The following WDR27 variants were observed in gnomAD, a reference collection of about 807,000 sequenced individuals.
WDR27 encodes the protein WD repeat domain 27, also known as WD repeat-containing protein 27.
In WDR27, 100 loss-of-function variants were observed where a neutral mutation model predicts 114.4. The observed-to-expected ratio is 0.87, with a 90% CI of 0.74 to 1.03. The LOEUF (loss-of-function observed/expected upper bound fraction) is 1.03. Among genes scored for constraint, WDR27 ranks in the 50% least tolerant of loss-of-function variants. The pLI is 0.00. For missense variants in WDR27, 1,129 were observed against 1,092.9 expected (o/e 1.03, Z -0.47); for synonymous variants, 449 against 423.1 (o/e 1.06, Z -0.75).
chr6:169,615,888 A>G (rs1811696432), intron 21 of WDR27, among the ~76,000 whole-genome samples: 1 of 152,176 alleles, frequency 6.6e-6, no homozygotes, highest in Non-Finnish European at 1.5e-5. Flanking sequence ...TGCATCTAAC[A>G]AAGGTCTAAT....
At chr6:169,665,251 C>T (rs1448541172) in intron 7 of WDR27, 10 of 1,291,086 alleles carry the variant, frequency 7.7e-6, no homozygotes, top group Admixed American at 7.6e-5. Flanking sequence ...TCCAGAACCA[C>T]GCATGGAGCT....
chr6:169,553,226 C>T (rs1798438567), intron 25 of WDR27, among the ~76,000 whole-genome samples: 1 of 152,070 alleles, frequency 6.6e-6, no homozygotes, highest in South Asian at 2.1e-4. Flanking sequence ...CCTGGCTGTC[C>T]CGATGTGGCC....
intron 25 of WDR27, among the ~76,000 whole-genome samples, chr6:169,520,444 G>T (rs1476041453): frequency 6.6e-6 from 1 of 152,100 alleles, no homozygotes; most frequent in African/African-American, 2.4e-5. Context: ...AAACAAACCA[G>T]ATAGAGAATA....
chr6:169,431,038 A>G, the WDR27 span, among the ~76,000 whole-genome samples: 3 of 152,290 alleles, frequency 2.0e-5, no homozygotes, highest in Non-Finnish European at 4.4e-5. Context: ...CTGTCACCTA[A>G]GATCAGTTTT....
intron 25 of WDR27, among the ~76,000 whole-genome samples, chr6:169,487,167 C>T (rs531554070): frequency 3.9e-5 from 6 of 152,252 alleles, no homozygotes; most frequent in South Asian, 2.1e-4. Flanking sequence ...GCATCCTCTT[C>T]GGAGGGTTCA....
chr6:169,544,758 C>T (rs999561303), intron 25 of WDR27, among the ~76,000 whole-genome samples: 1 of 152,112 alleles, frequency 6.6e-6, no homozygotes, highest in African/African-American at 2.4e-5. Context: ...TTTCTATATA[C>T]TAAAAATGAT....
chr6:169,491,364 A>G (rs767501743), intron 25 of WDR27, among the ~76,000 whole-genome samples: 3 of 152,154 alleles, frequency 2.0e-5, no homozygotes, highest in African/African-American at 4.8e-5. Context: ...TTTGTTAACT[A>G]TATCTGAAAT....
chr6:169,599,708 C>T (rs1480936997), intron 23 of WDR27, among the ~76,000 whole-genome samples: 2 of 152,106 alleles, frequency 1.3e-5, no homozygotes, highest in Non-Finnish European at 1.5e-5. Flanking sequence ...TTTCAAAAAA[C>T]CGGCTCCTGG....
At chr6:169,538,335 T>C (rs545991811) in intron 25 of WDR27, among the ~76,000 whole-genome samples, 3 of 152,224 alleles carry the variant, frequency 2.0e-5, no homozygotes, top group Admixed American at 6.5e-5. Context: ...GCCTGTACTC[T>C]TATGTCATTT....
At chr6:169,619,596 C>A (rs1223300110) in intron 21 of WDR27, among the ~76,000 whole-genome samples, 1 of 152,148 alleles carries the variant, frequency 6.6e-6, no homozygotes, top group Non-Finnish European at 1.5e-5. Flanking sequence ...CAGGAAAACT[C>A]AAAGTGGGGG....
intron 23 of WDR27, among the ~76,000 whole-genome samples, chr6:169,586,450 T>C (rs1006586114): frequency 6.6e-6 from 1 of 152,014 alleles, no homozygotes; most frequent in Non-Finnish European, 1.5e-5. Flanking sequence ...AATGACCCTC[T>C]GATCTAGAGG....
intron 17 of WDR27, among the ~76,000 whole-genome samples, chr6:169,640,703 G>A (rs1057392904): frequency 1.3e-5 from 2 of 152,236 alleles, no homozygotes; most frequent in Non-Finnish European, 2.9e-5. Flanking sequence ...CCATAAGGGC[G>A]TCCTCCCAGT....
At chr6:169,560,999 T>A (rs1181572384) in intron 25 of WDR27, among the ~76,000 whole-genome samples, 1 of 152,144 alleles carries the variant, frequency 6.6e-6, no homozygotes, top group East Asian at 1.9e-4. Context: ...GGTAACTGTT[T>A]AAACAAAATT....
intron 23 of WDR27, among the ~76,000 whole-genome samples, chr6:169,595,906 G>A (rs993650747): frequency 1.3e-5 from 2 of 150,254 alleles, no homozygotes; most frequent in East Asian, 3.9e-4. Context: ...TCTTGACTCA[G>A]ATTCTCTTTT....
chr6:169,523,902 T>C (rs1794675001), intron 25 of WDR27, among the ~76,000 whole-genome samples: 1 of 152,172 alleles, frequency 6.6e-6, no homozygotes, highest in African/African-American at 2.4e-5. Context: ...TCTCTACTTT[T>C]ACCATGTTTT....
At chr6:169,432,996 A>T in the WDR27 span, among the ~76,000 whole-genome samples, 1 of 152,210 alleles carries the variant, frequency 6.6e-6, no homozygotes, top group Non-Finnish European at 1.5e-5. Context: ...GGATAATAAA[A>T]TCCAGGCTGA....
At chr6:169,666,739 C>A (rs1288048903) in intron 6 of WDR27, 1 of 992,652 alleles carries the variant, frequency 1.0e-6, no homozygotes, top group Non-Finnish European at 1.2e-6. Flanking sequence ...GACCATGAGG[C>A]CAGGTGTGGC....
At chr6:169,468,276 C>G (rs1022064863) in intron 25 of WDR27, among the ~76,000 whole-genome samples, 4 of 152,206 alleles carry the variant, frequency 2.6e-5, no homozygotes, top group African/African-American at 9.6e-5. Context: ...TTCTTCTGAG[C>G]CCTCCAAACT....
chr6:169,517,622 C>T (rs1793839069), intron 25 of WDR27, among the ~76,000 whole-genome samples: 1 of 152,230 alleles, frequency 6.6e-6, no homozygotes, highest in Non-Finnish European at 1.5e-5. Flanking sequence ...ACTCAAAAGA[C>T]TCCCTATGGC....
Sources: allele counts gnomAD v4.1 joint callset (sites outside exome capture counted in the v4.1 genomes callset), GRCh38; gene constraint gnomAD v4.1.1; transcripts MANE v1.5; gene names NCBI Gene and HGNC (gene_info 2026-07-23, HGNC 2026-07-21).